The following RIMS1 variants were observed in gnomAD, a reference collection of about 807,000 sequenced individuals.
RIMS1 encodes regulating synaptic membrane exocytosis protein 1.
In RIMS1, 83 loss-of-function variants were observed where a neutral mutation model predicts 214.1. The ratio of observed to expected loss-of-function variants is 0.39; its 90% CI spans 0.32 to 0.47. RIMS1 has a LOEUF of 0.47. Among genes scored for constraint, RIMS1 ranks in the 20% least tolerant of loss-of-function variants. RIMS1 has a pLI of 0.99. For missense variants in RIMS1, 2,050 were observed against 2,161.8 expected (o/e 0.95, Z 1.03); for synonymous variants, 793 against 786.8 (o/e 1.01, Z -0.13).
At chr6:72,102,445 A>G (rs2033821972) in intron 4 of RIMS1, among the ~76,000 whole-genome samples, 1 of 152,050 alleles carries the variant, frequency 6.6e-6, no homozygotes, top group South Asian at 2.1e-4. Flanking sequence ...AGTATCACAT[A>G]TAAAAAATAA....
In RIMS1 at chr6:72,097,008, C is replaced by T. The variant is rs777907746; in HGVS notation, c.305C>T (p.Ala102Val). 2.5e-6 allele frequency: 4 copies of T among 1,613,742 alleles called. No homozygotes were observed. Among genetic ancestry groups the T allele is most frequent in the Non-Finnish European group, 3.4e-6 (4 of 1,179,852 alleles). ...CAAGTGAGAAAAATAGGGGAAGAAG[C>T]GCGGCGTTACCAGGGCGAGCACAAA... ...KEQVRKIGEEARRYQGEHKDD... is the reference protein window; with the variant it reads ...KEQVRKIGEEVRRYQGEHKDD... The change falls in exon 3 of 34, where the codon GCG becomes GTG. Residue 102 changes from alanine to valine, a missense_variant. This residue lies in a region of RIMS1 where 882 missense variants were observed against 828.9 expected (regional missense o/e 1.06). Coordinates refer to ENST00000521978, the MANE Select transcript of RIMS1 (RefSeq NM_014989.7).
intron 2 of RIMS1, among the ~76,000 whole-genome samples, chr6:72,038,118 A>AAAAAAAAAAAAAAAAAAAAT (rs1820399900): frequency 7.5e-5 from 1 of 13,418 alleles, no homozygotes; most frequent in Non-Finnish European, 1.2e-4. Context: ...AAAAAAAAAA[A>AAAAAAAAAAAAAAAAAAAAT]ATATATATAT....
intron 4 of RIMS1, among the ~76,000 whole-genome samples, chr6:72,102,937 A>G (rs765990319): frequency 3.3e-5 from 5 of 152,062 alleles, no homozygotes; most frequent in African/African-American, 4.8e-5. Flanking sequence ...CTAATTTACA[A>G]CCTTCAGTCT....
intron 4 of RIMS1, 71 bp from the exon 5 acceptor site, chr6:72,179,504 T>C (rs1476120339): frequency 3.4e-6 from 4 of 1,162,602 alleles, no homozygotes; most frequent in Non-Finnish European, 5.0e-6. Flanking sequence ...TTCTTAAATA[T>C]ATTTTAAGAT....
At chr6:71,947,150 A>C (rs1788087878) in intron 1 of RIMS1, among the ~76,000 whole-genome samples, 1 of 152,082 alleles carries the variant, frequency 6.6e-6, no homozygotes. Context: ...AAGTGTTGGC[A>C]AGGATATAGA....
In RIMS1 at chr6:71,899,359, G is replaced by T. The variant is rs565589356; in HGVS notation, c.164+12172G>T. 2.6e-5 allele frequency among the ~76,000 whole-genome samples: 4 copies of T among 151,742 alleles called. No individual in the cohort carries two copies. In the East Asian group the frequency reaches 7.7e-4, roughly 29 times the overall value. On this transcript the variant is annotated intron_variant, in intron 1 of 33. Transcript: ENST00000521978. ...TGCTTACAAAGAAGAGCTTTCTTTG[G>T]TTCCTCTTCACTTGGAGGTTTGACT... is the stretch of plus-strand genomic sequence containing the variant.
At chr6:72,108,848 C>G (rs1263461427) in intron 4 of RIMS1, among the ~76,000 whole-genome samples, 3 of 107,590 alleles carry the variant, frequency 2.8e-5, no homozygotes. Context: ...TATCCCTCCC[C>G]CCTCCCCCCA....
At chr6:72,293,816 T>C (rs2093737591) in intron 26 of RIMS1, among the ~76,000 whole-genome samples, 1 of 151,848 alleles carries the variant, frequency 6.6e-6, no homozygotes, top group Admixed American at 6.6e-5. Flanking sequence ...ATGATATTCA[T>C]ATTCACAGTT....
chr6:71,930,131 A>G (rs1444741232), intron 1 of RIMS1, among the ~76,000 whole-genome samples: 1 of 152,068 alleles, frequency 6.6e-6, no homozygotes, highest in East Asian at 1.9e-4. Context: ...GCCTATTGAA[A>G]TGTTTATAGT....
intron 6 of RIMS1, among the ~76,000 whole-genome samples, chr6:72,231,608 A>G (rs1021113970): frequency 2.0e-5 from 3 of 151,002 alleles, no homozygotes; most frequent in Admixed American, 2.0e-4. Flanking sequence ...CTGACAGACT[A>G]TGTGTAATAT....
At chr6:72,118,265 T>C (rs1296790328) in intron 4 of RIMS1, among the ~76,000 whole-genome samples, 1 of 151,132 alleles carries the variant, frequency 6.6e-6, no homozygotes, top group Non-Finnish European at 1.5e-5. Flanking sequence ...CAAGCAGTGG[T>C]ATCTGCCATT....
At chr6:71,976,774 T>A (rs1797247225) in intron 2 of RIMS1, among the ~76,000 whole-genome samples, 1 of 152,136 alleles carries the variant, frequency 6.6e-6, no homozygotes, top group Admixed American at 6.6e-5. Flanking sequence ...TTATATATGA[T>A]GTATGTGTTT....
chr6:72,184,294 C>T (rs2048796324), intron 6 of RIMS1, among the ~76,000 whole-genome samples: 3 of 152,118 alleles, frequency 2.0e-5, no homozygotes, highest in Admixed American at 2.0e-4. Context: ...TGATGTGTAC[C>T]GCAGATTGAG....
chr6:72,290,857 A>G lies in RIMS1; in HGVS notation c.3733A>G (p.Thr1245Ala). Residue 1245 changes from threonine to alanine, a missense_variant, in exon 25 of 34, where the codon ACA (threonine) becomes GCA (alanine). Around this residue, in one of 6 missense-constraint regions of RIMS1, gnomAD observed 889 missense variants for 885.5 expected, o/e 1.00. Transcript: ENST00000521978. ...GGSAPPSPLL[T>A]RMHRQRSPTQ... ...GTCGGCGCCACCTTCTCCGCTTCTG[A>G]CAAGGTCGCTATTCAGTGTCCCCCT... 1 of 1,612,042 alleles carries G rather than the reference A, an allele frequency of 6.2e-7. No homozygotes were observed. Among genetic ancestry groups the G allele is most frequent in the Non-Finnish European group, 8.5e-7 (1 of 1,179,568 alleles).
At chr6:72,190,318 C>T (rs1442104738) in intron 6 of RIMS1, among the ~76,000 whole-genome samples, 1 of 152,042 alleles carries the variant, frequency 6.6e-6, no homozygotes, top group Non-Finnish European at 1.5e-5. Flanking sequence ...ACAAAATTAG[C>T]CGGGCATATT....
rs372513852 is a variant in RIMS1, at chr6:72,333,660, G to A, written c.4191G>A (p.Lys1397=). The change falls in exon 29 of 34, where the codon AAG becomes AAA. Residue 1397 remains lysine, a synonymous_variant. Coordinates refer to ENST00000521978, the MANE Select transcript of RIMS1 (RefSeq NM_014989.7). Reference sequence around the variant, plus strand: ...GGACTTCAGGAAGATCCATCATGAAGAGCACCAGTGTCAGTGGAGAGATGT... The same window carrying A: ...GGACTTCAGGAAGATCCATCATGAAAAGCACCAGTGTCAGTGGAGAGATGT... ...RMGTSGRSIM[K]STSVSGEMYT... The A allele has an allele frequency of 3.1e-4, 499 of 1,597,608 alleles. No homozygotes were observed. Among genetic ancestry groups the A allele is most frequent in the Non-Finnish European group, 3.9e-4 (452 of 1,171,962 alleles).
chr6:71,944,181 G>A (rs911304919), intron 1 of RIMS1, among the ~76,000 whole-genome samples: 34 of 152,048 alleles, frequency 2.2e-4, no homozygotes, highest in Non-Finnish European at 1.0e-4. Flanking sequence ...TTCATAATGC[G>A]TCTTATTACA....
At chr6:72,065,105 CAT>C (rs1481989866) in intron 2 of RIMS1, among the ~76,000 whole-genome samples, 1 of 152,158 alleles carries the variant, frequency 6.6e-6, no homozygotes, top group Non-Finnish European at 1.5e-5. Context: ...GATTAGAGAA[CAT>C]GTCCTGGTGA....
intron 29 of RIMS1, among the ~76,000 whole-genome samples, chr6:72,345,085 G>T (rs1323896437): frequency 6.6e-6 from 1 of 151,666 alleles, no homozygotes. Context: ...TTCAAAATAG[G>T]TGTCACAAAA....
Sources: allele counts gnomAD v4.1 joint callset (sites outside exome capture counted in the v4.1 genomes callset), GRCh38; gene constraint gnomAD v4.1.1; regional missense constraint gnomAD v4.1.1; transcripts MANE v1.5; gene names NCBI Gene and HGNC (gene_info 2026-07-23, HGNC 2026-07-21).